Variants in ZNF254 observed in about 807,000 individuals in gnomAD.
ZNF254 encodes the protein CTD-2017D11.1.
In ZNF254, 10 loss-of-function variants were observed where a neutral mutation model predicts 12.4. That is an observed-to-expected ratio of 0.80 (90% CI 0.50 to 1.36). ZNF254 has a LOEUF of 1.36. Ranked by LOEUF, ZNF254 falls within the 40% of genes most tolerant of loss-of-function variation. The probability of loss-of-function intolerance (pLI) is 0.00; values close to 1 mark genes in which losing one functional copy is unlikely to be tolerated. For synonymous variants in ZNF254, 305 were observed against 253.4 expected, an observed-to-expected ratio of 1.20 and a Z score of -1.93; for missense variants, 996 against 763.9, an observed-to-expected ratio of 1.30 and a Z score of -3.58.
rs748677182 is a variant in ZNF254 at position 24,106,030 on chromosome 19, G to GTGATGTTA, written c.122_129dup (p.Glu44Ter). 2 of 1,598,546 alleles carry GTGATGTTA rather than the reference G, an allele frequency of 1.3e-6. No homozygotes were observed. The highest frequency in any genetic ancestry group is 2.7e-5 in the African/African-American group (2 of 74,562). On this transcript the variant is annotated frameshift_variant, in exon 2 of 4. Coordinates refer to ENST00000357002, the MANE Select transcript of ZNF254 (RefSeq NM_203282.4). LOFTEE classifies it high-confidence loss of function. Reference sequence around the variant, plus strand: ...TGCACAGCAGAATTTATATAGAAATGTGATGTTAGAGAACTACAGAAACCT... The same window carrying GTGATGTTA: ...TGCACAGCAGAATTTATATAGAAATGTGATGTTATGATGTTAGAGAACTACAGAAACCT...
intron 2 of ZNF254, among the ~76,000 whole-genome samples, chr19:24,081,961 A>G (rs995112409): frequency 2.6e-5 from 4 of 152,064 alleles, no homozygotes; most frequent in African/African-American, 9.7e-5. Flanking sequence ...CGTCTCTACT[A>G]AAAATACAAA....
intron 2 of ZNF254, among the ~76,000 whole-genome samples, chr19:24,048,003 C>CTTCTTTTTTTTTTTTTT (rs1970467576): frequency 1.5e-5 from 1 of 68,810 alleles, no homozygotes; most frequent in Non-Finnish European, 2.5e-5. Flanking sequence ...TTCTTTTCTT[C>CTTCTTTTTTTTTTTTTT]TTTTTTTTTT....
chr19:24,069,243 T>A (rs1410722712), intron 2 of ZNF254, among the ~76,000 whole-genome samples: 1 of 143,116 alleles, frequency 7.0e-6, no homozygotes, highest in Non-Finnish European at 1.5e-5. Flanking sequence ...TGACCTCAGG[T>A]GATCTGCCCA....
chr19:24,117,569 G>A (rs927573276), intron 3 of ZNF254, among the ~76,000 whole-genome samples: 5 of 152,154 alleles, frequency 3.3e-5, no homozygotes, highest in Non-Finnish European at 7.4e-5. Flanking sequence ...TAGGGTGGGA[G>A]TGACCCGACT....
intron 1 of ZNF254, 52 bp from the exon 2 acceptor site, chr19:24,105,888 A>T (rs1973309314): frequency 6.4e-7 from 1 of 1,555,234 alleles, no homozygotes; most frequent in Non-Finnish European, 8.7e-7. Context: ...TCAAATGAAA[A>T]ATTCTGCCGA....
intron 3 of ZNF254, among the ~76,000 whole-genome samples, chr19:24,120,974 A>C (rs1974439748): frequency 6.6e-6 from 1 of 151,784 alleles, no homozygotes; most frequent in African/African-American, 2.4e-5. Flanking sequence ...CCTGGTCTTT[A>C]GTGTTGTGAC....
At chr19:24,067,860 G>A (rs1005515269) in intron 2 of ZNF254, among the ~76,000 whole-genome samples, 1 of 152,092 alleles carries the variant, frequency 6.6e-6, no homozygotes, top group Non-Finnish European at 1.5e-5. Context: ...TTCCACATAA[G>A]CCCTGGCCAC....
At chr19:24,043,081 A>G (rs1308045108) in intron 1 of ZNF254, among the ~76,000 whole-genome samples, 1 of 152,112 alleles carries the variant, frequency 6.6e-6, no homozygotes, top group Non-Finnish European at 1.5e-5. Context: ...TGTAGATATC[A>G]GCTTTTGAAA....
At chr19:24,115,964 T>G (rs896443751) in intron 3 of ZNF254, among the ~76,000 whole-genome samples, 3 of 152,200 alleles carry the variant, frequency 2.0e-5, no homozygotes, top group African/African-American at 7.2e-5. Context: ...AAGCTTAGTT[T>G]GGCTGGATAT....
intron 3 of ZNF254, among the ~76,000 whole-genome samples, chr19:24,124,294 A>G (rs1355178940): frequency 1.3e-5 from 2 of 152,062 alleles, no homozygotes; most frequent in South Asian, 2.1e-4. Flanking sequence ...ATATCTTTTT[A>G]TATTGTATAT....
chr19:24,043,286 G>C (rs1244568541), intron 1 of ZNF254, among the ~76,000 whole-genome samples: 1 of 144,636 alleles, frequency 6.9e-6, no homozygotes, highest in East Asian at 1.9e-4. Flanking sequence ...TTTTGAGATA[G>C]AATCTTACTT....
Position 24,127,314 on chromosome 19 carries a change from A to C in ZNF254, c.1314A>C (p.Glu438Asp). The change falls in exon 4 of 4, where the codon GAA becomes GAC. Residue 438 changes from glutamate to aspartate, a missense_variant. Physicochemically the swap from Glu to Asp is conservative, Grantham distance 45. Transcript: ENST00000357002. ...GAGAGAAACCTTACAAGTGTGAAGA[A>C]TGTGGCAAAGCATTTATCTGGTCCT... is the stretch of plus-strand genomic sequence containing the variant. ...HTGEKPYKCEECGKAFIWSST... is the reference protein window; with the variant it reads ...HTGEKPYKCEDCGKAFIWSST... 1 of 1,613,798 alleles carries C rather than the reference A, an allele frequency of 6.2e-7. No homozygotes were observed. Among genetic ancestry groups the C allele is most frequent in the Non-Finnish European group, 8.5e-7 (1 of 1,179,860 alleles).
At chr19:24,052,909 T>C (rs116916519) in intron 2 of ZNF254, among the ~76,000 whole-genome samples, 4,758 of 152,262 alleles carry the variant, frequency 0.031, 130 homozygotes, top group South Asian at 0.065. Context: ...ATGTCTTGGG[T>C]TTCTTCTTTG....
intron 3 of ZNF254, among the ~76,000 whole-genome samples, chr19:24,121,063 C>T (rs1410365833): frequency 1.3e-5 from 2 of 151,118 alleles, no homozygotes; most frequent in Non-Finnish European, 3.0e-5. Context: ...TTTTGTAGAA[C>T]TGTGCTAGTG....
At chr19:24,120,904 C>G (rs761671161) in intron 3 of ZNF254, among the ~76,000 whole-genome samples, 2 of 151,938 alleles carry the variant, frequency 1.3e-5, no homozygotes, top group Non-Finnish European at 2.9e-5. Flanking sequence ...ATCTCCTGAC[C>G]TCCCGTTTCT....
chr19:24,062,087 CA>C (rs72097158), intron 2 of ZNF254, among the ~76,000 whole-genome samples: 63 of 115,038 alleles, frequency 5.5e-4, no homozygotes, highest in Admixed American at 5.7e-4. Flanking sequence ...CTCTGTCTCA[CA>C]AAAAAAAAAA....
intron 2 of ZNF254, among the ~76,000 whole-genome samples, chr19:24,062,828 T>C (rs1329903195): frequency 6.6e-6 from 1 of 152,130 alleles, no homozygotes; most frequent in Non-Finnish European, 1.5e-5. Context: ...GAGATGGAGT[T>C]TTGCTCTTGT....
chr19:24,087,266 T>C lies in ZNF254; in HGVS notation c.-42T>C. On this transcript the variant is annotated 5_prime_UTR_variant, in exon 1 of 4. Coordinates refer to ENST00000357002, the MANE Select transcript of ZNF254 (RefSeq NM_203282.4). Reference sequence around the variant, plus strand: ...CCTCTGCTCCTAGAGGCCCAGCCTCTGTGGCGCTGTTACCAGCAGGTATTG... The same window carrying C: ...CCTCTGCTCCTAGAGGCCCAGCCTCCGTGGCGCTGTTACCAGCAGGTATTG... The C allele has an allele frequency of 6.2e-7, 1 of 1,612,476 alleles. No individual in the cohort carries two copies. The highest frequency in any genetic ancestry group is 8.5e-7 in the Non-Finnish European group (1 of 1,179,054).
chr19:24,045,597 C>T (rs1260290977), intron 1 of ZNF254, among the ~76,000 whole-genome samples: 2 of 148,450 alleles, frequency 1.3e-5, no homozygotes, highest in Non-Finnish European at 3.0e-5. Flanking sequence ...GACCCCGGGA[C>T]GCGGAGGTTG....
Sources: gnomAD v4.1 joint callset for allele counts (sites outside exome capture counted in the v4.1 genomes callset) on GRCh38, gnomAD v4.1.1 for gene constraint, MANE v1.5 for transcripts, NCBI Gene and HGNC (gene_info 2026-07-23, HGNC 2026-07-21) for gene names.